Variants in TOX observed in about 807,000 individuals in gnomAD.
TOX encodes the protein thymocyte selection-associated high mobility group box protein TOX.
A neutral mutation model predicts 53.7 loss-of-function variants in TOX; 11 were observed. The ratio of observed to expected loss-of-function variants is 0.20; its 90% CI spans 0.13 to 0.34. The LOEUF (loss-of-function observed/expected upper bound fraction) is 0.34. Among genes scored for constraint, TOX ranks in the 10% least tolerant of loss-of-function variants. The pLI, the probability that TOX is intolerant of heterozygous loss-of-function variation, is 1.00. For missense variants in TOX, 570 were observed against 664.6 expected, an observed-to-expected ratio of 0.86 and a Z score of 1.56; for synonymous variants, 225 against 245.3, an observed-to-expected ratio of 0.92 and a Z score of 0.77.
At chr8:58,912,943 C>T (rs1261725179) in intron 3 of TOX, among the ~76,000 whole-genome samples, 1 of 152,186 alleles carries the variant, frequency 6.6e-6, no homozygotes. Flanking sequence ...AGTTGTACAA[C>T]TCTGATCATG....
At chr8:59,074,874 T>C (rs1488958209) in intron 1 of TOX, among the ~76,000 whole-genome samples, 1 of 152,112 alleles carries the variant, frequency 6.6e-6, no homozygotes, top group African/African-American at 2.4e-5. Context: ...GTGGAGGCCA[T>C]GCAAGAGAAA....
At chr8:58,983,501 TC>T (rs1813240453) in intron 1 of TOX, among the ~76,000 whole-genome samples, 1 of 152,228 alleles carries the variant, frequency 6.6e-6, no homozygotes, top group Admixed American at 6.5e-5. Flanking sequence ...TTTCTGACCT[TC>T]AAGTTCTTCA....
chr8:59,110,630 T>C (rs1349312205), intron 1 of TOX, among the ~76,000 whole-genome samples: 1 of 152,074 alleles, frequency 6.6e-6, no homozygotes, highest in Admixed American at 6.5e-5. Context: ...TTCACAGTTA[T>C]TCTCCACTTT....
At chr8:58,998,027 C>T (rs1445705560) in intron 1 of TOX, among the ~76,000 whole-genome samples, 1 of 152,020 alleles carries the variant, frequency 6.6e-6, no homozygotes, top group Admixed American at 6.6e-5. Context: ...CTCCTGACCT[C>T]GTGATCCGCC....
At chr8:58,915,456 C>G (rs1326916438) in intron 3 of TOX, among the ~76,000 whole-genome samples, 2 of 107,962 alleles carry the variant, frequency 1.9e-5, no homozygotes, top group East Asian at 2.6e-4. Context: ...ACACCTCACA[C>G]GGCAGGGTAT....
chr8:59,092,140 T>C (rs1804617128), intron 1 of TOX, among the ~76,000 whole-genome samples: 1 of 149,658 alleles, frequency 6.7e-6, no homozygotes, highest in African/African-American at 2.5e-5. Context: ...TAATCCCAGC[T>C]ACTCGGGAGG....
chr8:58,902,095 A>G (rs776533501), intron 3 of TOX, among the ~76,000 whole-genome samples: 7 of 152,194 alleles, frequency 4.6e-5, no homozygotes, highest in Non-Finnish European at 5.9e-5. Context: ...AAATATTTCT[A>G]TATTTATCTC....
At chr8:59,092,265 T>TTATATATATATATATATTTTATATA (rs1804622903) in intron 1 of TOX, among the ~76,000 whole-genome samples, 1 of 89,930 alleles carries the variant, frequency 1.1e-5, no homozygotes, top group South Asian at 2.6e-4. Context: ...TATATATATT[T>TTATATATATATATATATTTTATATA]TATATATATA....
chr8:58,876,100 G>C (rs1434156283), intron 3 of TOX, among the ~76,000 whole-genome samples: 1 of 151,900 alleles, frequency 6.6e-6, no homozygotes, highest in African/African-American at 2.4e-5. Context: ...TAAGTATAGA[G>C]ATGGATATTT....
chr8:58,921,734 T>G lies in TOX; in HGVS notation c.411+17568A>C, dbSNP rs201822416. Among the ~76,000 whole-genome samples, 5 of 152,344 alleles carry G rather than the reference T, an allele frequency of 3.3e-5. No individual in the cohort carries two copies. In the East Asian group the frequency reaches 9.6e-4, roughly 29 times the overall value. On this transcript the variant is annotated intron_variant, in intron 3 of 8. Coordinates refer to ENST00000361421, the MANE Select transcript of TOX (RefSeq NM_014729.3). ...TCAACCAGATCTTACTAAAACCCAC[T>G]AACCTGAAATTTTTATAATTGTTTT...
At position 58,848,748 on chromosome 8, in the gene TOX, G is replaced by A. The variant is rs553245585; in HGVS notation, c.693+2776C>T. On this transcript the variant is annotated intron_variant, in intron 4 of 8. Transcript: ENST00000361421. ...ACAGTTTCCTAGCAATCAAAATCGC[G>A]GGTAGTGTTTATAAGGTGATAATTT... Among the ~76,000 whole-genome samples, 67 of 152,094 alleles carry A rather than the reference G, an allele frequency of 4.4e-4. 1 individual carries two copies. Among genetic ancestry groups the A allele is most frequent in the Middle Eastern group, 6.8e-3 (2 of 292 alleles).
intron 3 of TOX, among the ~76,000 whole-genome samples, chr8:58,930,295 C>G (rs149003982): frequency 3.3e-5 from 5 of 152,244 alleles, no homozygotes; most frequent in African/African-American, 1.2e-4. Flanking sequence ...TTCATTCAAT[C>G]AGAAAAATAG....
intron 3 of TOX, among the ~76,000 whole-genome samples, chr8:58,915,440 A>C (rs1811998435): frequency 9.6e-6 from 1 of 104,178 alleles, no homozygotes; most frequent in Admixed American, 1.0e-4. Context: ...CAGCAGGGGC[A>C]CACTGACACC....
intron 3 of TOX, among the ~76,000 whole-genome samples, chr8:58,925,574 A>G (rs13262617): frequency 0.045 from 6,818 of 152,248 alleles, 193 homozygotes; most frequent in South Asian, 0.088. Context: ...ACCTTTCTCC[A>G]TTTCACATAT....
chr8:58,889,328 A>C (rs1811523941), intron 3 of TOX, among the ~76,000 whole-genome samples: 1 of 152,078 alleles, frequency 6.6e-6, no homozygotes, highest in South Asian at 2.1e-4. Context: ...TGATTAAAAA[A>C]ACAATAAAGC....
At chr8:58,847,656 C>G (rs556817491) in intron 4 of TOX, among the ~76,000 whole-genome samples, 1 of 151,974 alleles carries the variant, frequency 6.6e-6, no homozygotes, top group Admixed American at 6.6e-5. Flanking sequence ...TGCTGATAGA[C>G]AGAAATGATT....
intron 1 of TOX, among the ~76,000 whole-genome samples, chr8:59,038,057 C>T (rs1456755185): frequency 1.3e-5 from 2 of 152,212 alleles, no homozygotes; most frequent in East Asian, 1.9e-4. Flanking sequence ...GGAAGAATTT[C>T]CTGACAGTGA....
chr8:59,055,929 C>A lies in TOX; in HGVS notation c.102+62957G>T, dbSNP rs1285374459. Among the ~76,000 whole-genome samples, 8 of 152,122 alleles carry A rather than the reference C, an allele frequency of 5.3e-5. No individual in the cohort carries two copies. In the South Asian group the frequency reaches 1.5e-3, roughly 28 times the overall value. On this transcript the variant is annotated intron_variant, in intron 1 of 8. Transcript: ENST00000361421. ...AACATCTCAGGATATAGAACATTGA[C>A]AATAAATCATAAAAATTTTTACCCC...
chr8:58,889,212 C>CAAAA (rs10556451), intron 3 of TOX, among the ~76,000 whole-genome samples: 5 of 114,436 alleles, frequency 4.4e-5, no homozygotes, highest in African/African-American at 9.5e-5. Flanking sequence ...TTTACAATAG[C>CAAAA]AAAAAAAAAA....
Sources: allele counts gnomAD v4.1 joint callset (sites outside exome capture counted in the v4.1 genomes callset), GRCh38; gene constraint gnomAD v4.1.1; transcripts MANE v1.5; gene names NCBI Gene and HGNC (gene_info 2026-07-23, HGNC 2026-07-21).